WSB1: variants seen among roughly 807,000 people sequenced by gnomAD.
WSB1 encodes the protein WD repeat and SOCS box-containing protein 1.
Under a neutral mutation model 50.2 loss-of-function variants are expected in WSB1, and 23 were observed. The observed-to-expected ratio is 0.46, with a 90% CI of 0.33 to 0.65. The LOEUF (loss-of-function observed/expected upper bound fraction) is 0.65. WSB1 is among the 30% of genes least tolerant of loss of function. The probability of loss-of-function intolerance (pLI) is 0.02; values close to 1 mark genes in which losing one functional copy is unlikely to be tolerated. For synonymous variants in WSB1, 179 were observed against 172.0 expected (o/e 1.04, Z -0.32); for missense variants, 492 against 522.3 (o/e 0.94, Z 0.56).
chr17:27,314,621 C>T lies in WSB1; in HGVS notation c.*2252C>T, dbSNP rs2017795524. 1 of 152,062 alleles carries T rather than the reference C, an allele frequency of 6.6e-6. No homozygotes were observed. Among genetic ancestry groups the T allele is most frequent in the African/African-American group, 2.4e-5 (1 of 41,408 alleles). 9.4% of individuals were successfully genotyped at this position (152,062 alleles called of 1,614,324 possible). ...CATATCATTGCATTATTTTTGCTTT[C>T]CACACCAACATATCCAGTCAAGTAA... is the stretch of plus-strand genomic sequence containing the variant. On this transcript the variant is annotated 3_prime_UTR_variant, in exon 9 of 9. Coordinates refer to ENST00000262394, the MANE Select transcript of WSB1 (RefSeq NM_015626.10).
At chr17:27,307,142 GT>G in intron 5 of WSB1, 1 of 436,546 alleles carries the variant, frequency 2.3e-6, no homozygotes, top group Non-Finnish European at 4.1e-6. Context: ...GTCTAGAAAA[GT>G]TTATGTGCTG....
chr17:27,315,726 CTTA>C lies in WSB1; in HGVS notation c.*3359_*3361del, dbSNP rs1185077189. 1.3e-5 allele frequency: 2 copies of C among 152,142 alleles called. No homozygotes were observed. The highest frequency in any genetic ancestry group is 2.9e-5 in the Non-Finnish European group (2 of 68,026). 9.4% of individuals were successfully genotyped at this position (152,142 alleles called of 1,614,324 possible). A position where few individuals can be genotyped will look rare whatever the true frequency, so the allele number is the denominator to read the frequency against. On this transcript the variant is annotated 3_prime_UTR_variant, in exon 9 of 9. Coordinates refer to ENST00000262394, the MANE Select transcript of WSB1 (RefSeq NM_015626.10). ...CCAAGTAATTCTGAACAGACTGTGG[CTTA>C]TGATAATACATTTTAACTAGCAAGT...
intron 6 of WSB1, 46 bp downstream of exon 6, chr17:27,309,318 A>G: frequency 7.1e-7 from 1 of 1,401,136 alleles, no homozygotes; most frequent in Non-Finnish European, 9.6e-7. Flanking sequence ...ATCTCCACCT[A>G]TCAAGTTATG....
Position 27,312,877 on chromosome 17 carries a change from CAA to C in WSB1, c.*521_*522del, listed in dbSNP as rs780575361. 13 of 122,420 alleles carry C rather than the reference CAA, an allele frequency of 1.1e-4. No homozygotes were observed. Among genetic ancestry groups the C allele is most frequent in the African/African-American group, 1.5e-4 (5 of 33,826 alleles). 7.6% of individuals were successfully genotyped at this position (122,420 alleles called of 1,614,324 possible). Reference sequence around the variant, plus strand: ...TGAAACCCTGTCTCTACTAAAAATACAAAAAAAAAAAAAATTAGCCAGGCGTG... The same window carrying C: ...TGAAACCCTGTCTCTACTAAAAATACAAAAAAAAAAAATTAGCCAGGCGTG... On this transcript the variant is annotated 3_prime_UTR_variant, in exon 9 of 9. Coordinates refer to ENST00000262394, the MANE Select transcript of WSB1 (RefSeq NM_015626.10).
rs191505362 is a variant in WSB1, at chr17:27,308,173, T to C, written c.712-927T>C. The C allele has an allele frequency of 1.5e-3, 1,520 of 995,414 alleles. 1 individual carries two copies. Among genetic ancestry groups the C allele is most frequent in the Non-Finnish European group, 1.7e-3 (1,462 of 836,740 alleles). The allele number at this position is 995,414 out of a possible 1,614,324, so 61.7% of individuals were successfully genotyped here. On this transcript the variant is annotated intron_variant, in intron 5 of 8. Coordinates refer to ENST00000262394, the MANE Select transcript of WSB1 (RefSeq NM_015626.10). ...TGATTCAATTTAAAATTTGTACTTA[T>C]TTTCTTTTAGAAATAATGTATTGTG...
Position 27,294,228 on chromosome 17 carries a change from G to A in WSB1, c.-168G>A. On this transcript the variant is annotated 5_prime_UTR_variant, in exon 1 of 9. Coordinates refer to ENST00000262394, the MANE Select transcript of WSB1 (RefSeq NM_015626.10). Reference sequence around the variant, plus strand: ...CCGTACTTTGGTCTGAGGCCTTCGGGAGCTTTCCCGAGGCAGTTAGCAGAA... The same window carrying A: ...CCGTACTTTGGTCTGAGGCCTTCGGAAGCTTTCCCGAGGCAGTTAGCAGAA... The A allele has an allele frequency of 4.7e-6, 4 of 844,350 alleles. No individual in the cohort carries two copies. The highest frequency in any genetic ancestry group is 7.3e-6 in the Non-Finnish European group (4 of 545,362). The allele number at this position is 844,350 out of a possible 1,614,324, so 52.3% of individuals were successfully genotyped here. A position where few individuals can be genotyped will look rare whatever the true frequency, so the allele number is the denominator to read the frequency against.
chr17:27,295,367 G>T (rs932028394), intron 1 of WSB1, among the ~76,000 whole-genome samples: 1 of 152,200 alleles, frequency 6.6e-6, no homozygotes, highest in Non-Finnish European at 1.5e-5. Context: ...GTACAAGGAG[G>T]AGTTATTTCT....
In WSB1 at chr17:27,303,564, T is replaced by G. The variant is rs151158737; in HGVS notation, c.407T>G (p.Phe136Cys). ...CVNIEWHRFRFGQDQLLLATG... is the reference protein window; with the variant it reads ...CVNIEWHRFRCGQDQLLLATG... ...AATATAGAATGGCATCGCTTCAGAT[T>G]TGGACAAGATCAGCTACTTCTTGCT... Residue 136 changes from phenylalanine to cysteine, a missense_variant, in exon 3 of 9, where the codon TTT (phenylalanine) becomes TGT (cysteine). By Grantham distance (205) the Phe-to-Cys change is radical. Transcript: ENST00000262394. The G allele has an allele frequency of 1.6e-5, 26 of 1,614,050 alleles. No homozygotes were observed. Among genetic ancestry groups the G allele is most frequent in the Admixed American group, 3.3e-5 (2 of 60,008 alleles).
rs747474719 is a variant in WSB1, at chr17:27,309,216, T to C, written c.828T>C (p.Tyr276=). ...PDGALLATAS[Y]DTRVYIWDPH... ...GAGCATTACTGGCTACTGCATCTTA[T>C]GATACTCGAGTATATATCTGGGATC... Residue 276 remains tyrosine (Y), a synonymous_variant, in exon 6 of 9, where the codon TAT becomes TAC. Coordinates refer to ENST00000262394, the MANE Select transcript of WSB1 (RefSeq NM_015626.10). 1.9e-6 allele frequency: 3 copies of C among 1,612,990 alleles called. No individual in the cohort carries two copies. The South Asian group carries it at 3.3e-5, about 18-fold the overall frequency.
Position 27,309,236 on chromosome 17 carries a change from G to T in WSB1, c.848G>T (p.Trp283Leu). 1 of 1,611,034 alleles carries T rather than the reference G, an allele frequency of 6.2e-7. No homozygotes were observed. Among genetic ancestry groups the T allele is most frequent in the Non-Finnish European group, 8.5e-7 (1 of 1,178,510 alleles). The change falls in exon 6 of 9, where the codon TGG (tryptophan) becomes TTG (leucine). Residue 283 changes from tryptophan to leucine, a missense_variant. Trp to Leu is a moderately conservative substitution (Grantham distance 61). Coordinates refer to ENST00000262394, the MANE Select transcript of WSB1 (RefSeq NM_015626.10). ...TCTTATGATACTCGAGTATATATCT[G>T]GGATCCACATAATGGAGACATTCTG... ...TASYDTRVYI[W>L]DPHNGDILME...
At chr17:27,295,488 ATGAT>A (rs1477790401) in intron 1 of WSB1, among the ~76,000 whole-genome samples, 2 of 152,236 alleles carry the variant, frequency 1.3e-5, no homozygotes, top group Non-Finnish European at 2.9e-5. Context: ...TGTCTTAGGG[ATGAT>A]TGATTAGGAA....
At chr17:27,302,027 TA>T (rs1296053489) in intron 2 of WSB1, 71 bp downstream of exon 2, 20 of 1,424,514 alleles carry the variant, frequency 1.4e-5, no homozygotes, top group East Asian at 7.6e-5. Context: ...TGTAGGGTAA[TA>T]AAAACATTTT....
intron 6 of WSB1, among the ~76,000 whole-genome samples, chr17:27,309,697 C>G (rs1304214778): frequency 2.0e-5 from 3 of 152,114 alleles, no homozygotes; most frequent in Admixed American, 6.6e-5. Context: ...GTTCTCCTGC[C>G]TCAGCCTCCT....
chr17:27,299,478 T>A (rs1367409082), intron 1 of WSB1, among the ~76,000 whole-genome samples: 3 of 152,216 alleles, frequency 2.0e-5, no homozygotes, highest in African/African-American at 7.2e-5. Flanking sequence ...GCTACTGCGC[T>A]CCAGCCTGCA....
At chr17:27,303,035 T>A (rs1327810018) in intron 2 of WSB1, 1 of 195,280 alleles carries the variant, frequency 5.1e-6, no homozygotes, top group Non-Finnish European at 1.0e-5. Context: ...TTTGTTTGTT[T>A]GTTTGTTTTT....
At chr17:27,301,466 A>G (rs184137175) in intron 1 of WSB1, among the ~76,000 whole-genome samples, 55 of 152,372 alleles carry the variant, frequency 3.6e-4, no homozygotes, top group African/African-American at 1.2e-3. Flanking sequence ...ACGTAATACA[A>G]TGCAAAAGTT....
At chr17:27,302,427 AAAG>A (rs1307533562) in intron 2 of WSB1, 2 of 153,068 alleles carry the variant, frequency 1.3e-5, no homozygotes, top group Non-Finnish European at 2.9e-5. Flanking sequence ...AAAAAAAAAA[AAAG>A]AATTGTCTGG....
rs1435383279 is a variant in WSB1 at position 27,313,160 on chromosome 17, A to G, written c.*791A>G. ...CAGGGAAAAGGATTTTATTATCCTT[A>G]GGAATGTCATCCAAGACGTAGAGCT... is the stretch of plus-strand genomic sequence containing the variant. On this transcript the variant is annotated 3_prime_UTR_variant, in exon 9 of 9. Coordinates refer to ENST00000262394, the MANE Select transcript of WSB1 (RefSeq NM_015626.10). 6.6e-6 allele frequency: 1 copy of G among 152,544 alleles called. No individual in the cohort carries two copies. Among genetic ancestry groups the G allele is most frequent in the Non-Finnish European group, 1.5e-5 (1 of 68,016 alleles). The allele number at this position is 152,544 out of a possible 1,614,324, so 9.4% of individuals were successfully genotyped here. A position where few individuals can be genotyped will look rare whatever the true frequency, so the allele number is the denominator to read the frequency against.
intron 5 of WSB1, chr17:27,307,884 T>C: frequency 6.9e-7 from 1 of 1,447,096 alleles, no homozygotes; most frequent in East Asian, 2.5e-5. Context: ...TGAAGTAACC[T>C]TGCATTCGGC....
Sources: gnomAD v4.1 joint callset for allele counts (sites outside exome capture counted in the v4.1 genomes callset) on GRCh38, gnomAD v4.1.1 for gene constraint, MANE v1.5 for transcripts, NCBI Gene and HGNC (gene_info 2026-07-23, HGNC 2026-07-21) for gene names.